RMDN1: variants seen among roughly 807,000 people sequenced by gnomAD.
RMDN1 encodes the protein regulator of microtubule dynamics protein 1.
Under a neutral mutation model 48.9 loss-of-function variants are expected in RMDN1, and 48 were observed. The observed-to-expected ratio is 0.98, with a 90% CI of 0.78 to 1.25. The LOEUF (loss-of-function observed/expected upper bound fraction) is 1.25, where lower values mean the gene tolerates loss of function less well. RMDN1 is among the 50% of genes most tolerant of loss of function. The pLI is 0.00. For missense variants in RMDN1, 418 were observed against 373.4 expected, an observed-to-expected ratio of 1.12 and a Z score of -0.98; for synonymous variants, 148 against 132.6, an observed-to-expected ratio of 1.12 and a Z score of -0.80.
rs538746986 is a variant in RMDN1, at chr8:86,472,504, C to T, written c.*1804G>A. Reference sequence around the variant, plus strand: ...CCTACAAAAATAAAATTACAGTATACAATAACCTTTTAAAATACAGCATCA... The same window carrying T: ...CCTACAAAAATAAAATTACAGTATATAATAACCTTTTAAAATACAGCATCA... On this transcript the variant is annotated 3_prime_UTR_variant, in exon 10 of 10. Coordinates refer to ENST00000406452, the MANE Select transcript of RMDN1 (RefSeq NM_016033.3). 4 of 701,084 alleles carry T rather than the reference C, an allele frequency of 5.7e-6. No individual in the cohort carries two copies. The Admixed American group carries it at 8.1e-5, about 14-fold the overall frequency. The allele number at this position is 701,084 out of a possible 1,614,324, so 43.4% of individuals were successfully genotyped here. A position where few individuals can be genotyped will look rare whatever the true frequency, so the allele number is the denominator to read the frequency against.
At chr8:86,499,589 A>T (rs997624466) in intron 2 of RMDN1, among the ~76,000 whole-genome samples, 1 of 152,174 alleles carries the variant, frequency 6.6e-6, no homozygotes, top group Non-Finnish European at 1.5e-5. Context: ...GGAAGAATCA[A>T]TATTGATAAA....
chr8:86,496,423 C>T (rs1817353945), intron 2 of RMDN1, among the ~76,000 whole-genome samples: 2 of 152,086 alleles, frequency 1.3e-5, no homozygotes, highest in African/African-American at 4.8e-5. Context: ...GCAATGATGC[C>T]CACAGGCTCA....
At position 86,474,246 on chromosome 8, in the gene RMDN1, T is replaced by C; in HGVS notation, c.*62A>G. On this transcript the variant is annotated 3_prime_UTR_variant, in exon 10 of 10. Transcript: ENST00000406452. ...GAACAGTTATAGTTCATATATTAAG[T>C]TTAGAATTAAAAGAAAAGGCAATGT... 6.2e-7 allele frequency: 1 copy of C among 1,605,936 alleles called. No individual in the cohort carries two copies. Among genetic ancestry groups the C allele is most frequent in the Non-Finnish European group, 8.5e-7 (1 of 1,176,644 alleles).
intron 3 of RMDN1, 55 bp downstream of exon 3, chr8:86,488,497 A>T: frequency 9.0e-7 from 1 of 1,106,254 alleles, no homozygotes; most frequent in Non-Finnish European, 1.3e-6. Flanking sequence ...TTTAATTGTT[A>T]AATAACAAAA....
chr8:86,497,643 G>A (rs1295349687), intron 2 of RMDN1, among the ~76,000 whole-genome samples: 2 of 150,940 alleles, frequency 1.3e-5, no homozygotes, highest in Non-Finnish European at 2.9e-5. Flanking sequence ...GGAGGCTGCA[G>A]TGAGCTGAGA....
intron 2 of RMDN1, among the ~76,000 whole-genome samples, chr8:86,489,847 G>C (rs1218758681): frequency 6.6e-6 from 1 of 150,718 alleles, no homozygotes; most frequent in Non-Finnish European, 1.5e-5. Flanking sequence ...AAAAGGGGGG[G>C]GATGGGGGTA....
chr8:86,501,155 T>C (rs1818151312), intron 2 of RMDN1, among the ~76,000 whole-genome samples: 1 of 151,920 alleles, frequency 6.6e-6, no homozygotes, highest in Non-Finnish European at 1.5e-5. Context: ...CAACACATAA[T>C]TTACCCACGT....
chr8:86,478,467 T>C (rs944484233), intron 7 of RMDN1: 4 of 152,362 alleles, frequency 2.6e-5, no homozygotes, highest in African/African-American at 7.2e-5. Flanking sequence ...CAAAAGGCCT[T>C]GAAAATATGA....
intron 5 of RMDN1, 79 bp downstream of exon 5, chr8:86,484,793 G>A: frequency 1.3e-6 from 1 of 753,422 alleles, no homozygotes; most frequent in Non-Finnish European, 2.2e-6. Flanking sequence ...TTGATATACA[G>A]CAATAGATAA....
intron 2 of RMDN1, chr8:86,504,729 T>A: frequency 1.0e-6 from 1 of 980,212 alleles, no homozygotes; most frequent in East Asian, 2.4e-5. Flanking sequence ...AGGTCCCATT[T>A]CCTGGTTTAT....
chr8:86,508,606 A>G lies in RMDN1; in HGVS notation c.15T>C (p.Ala5=). The G allele has an allele frequency of 6.2e-7, 1 of 1,603,676 alleles. No homozygotes were observed. Among genetic ancestry groups the G allele is most frequent in the Non-Finnish European group, 8.5e-7 (1 of 1,176,114 alleles). Residue 5 remains alanine, a synonymous_variant, in exon 1 of 10, where the codon GCT becomes GCC. Coordinates refer to ENST00000406452, the MANE Select transcript of RMDN1 (RefSeq NM_016033.3). ...GGAAAGGCAGAAGGCGCCACAGTCG[A>G]GCAGCCAGCGCCATGACCTGCAACT... is the stretch of plus-strand genomic sequence containing the variant. MALA[A]RLWRLLPFRR... is the part of the protein sequence containing the mutation.
intron 2 of RMDN1, chr8:86,503,923 T>C: frequency 1.4e-6 from 1 of 728,594 alleles, no homozygotes; most frequent in South Asian, 1.4e-5. Context: ...AGCAGCTGAG[T>C]TGGTTGAAAT....
At chr8:86,475,099 A>G (rs1563579808) in intron 8 of RMDN1, 146 bp from the exon 9 acceptor site, 2 of 576,782 alleles carry the variant, frequency 3.5e-6, no homozygotes, top group Admixed American at 3.6e-5. Flanking sequence ...TCAACTGTTT[A>G]TATCTCAAAC....
chr8:86,506,330 A>AT (rs1819347615), intron 2 of RMDN1, among the ~76,000 whole-genome samples: 1 of 151,980 alleles, frequency 6.6e-6, no homozygotes, highest in South Asian at 2.1e-4. Flanking sequence ...CAGCTCTGGG[A>AT]TTTTTTTCTG....
chr8:86,475,075 G>T, intron 8 of RMDN1, 122 bp from the exon 9 acceptor site: 1 of 714,690 alleles, frequency 1.4e-6, no homozygotes, highest in Non-Finnish European at 2.2e-6. Flanking sequence ...AGACTAATGG[G>T]AATTCTCTTT....
chr8:86,500,369 G>T (rs535654745), intron 2 of RMDN1, among the ~76,000 whole-genome samples: 2 of 151,832 alleles, frequency 1.3e-5, no homozygotes, highest in African/African-American at 4.8e-5. Context: ...ATGGGCAAAA[G>T]ACATGAACAC....
At chr8:86,508,720 C>CCGCCTCCTGCACAGCACCTCTTT (rs1244523047), upstream of RMDN1, 3 of 1,368,872 alleles carry the variant, frequency 2.2e-6, no homozygotes, top group Admixed American at 1.2e-4. Context: ...CCGCGCCCGC[C>CCGCCTCCTGCACAGCACCTCTTT]CGCCTCCTGC....
chr8:86,480,117 A>G (rs1347319380), intron 6 of RMDN1, among the ~76,000 whole-genome samples, 160 bp downstream of exon 6: 1 of 152,064 alleles, frequency 6.6e-6, no homozygotes, highest in Non-Finnish European at 1.5e-5. Context: ...TGTTCTAACA[A>G]TATATATACA....
At chr8:86,508,701 C>T (rs530418791), upstream of RMDN1, 1,086 of 1,414,874 alleles carry the variant, frequency 7.7e-4, 2 homozygotes, top group Non-Finnish European at 7.3e-4. Context: ...TCAATCCTTC[C>T]GGAAAGAACC....
Sources: allele counts gnomAD v4.1 joint callset (sites outside exome capture counted in the v4.1 genomes callset), GRCh38; gene constraint gnomAD v4.1.1; transcripts MANE v1.5; gene names NCBI Gene and HGNC (gene_info 2026-07-23, HGNC 2026-07-21).